The following ATP8B4 variants were observed in gnomAD, a reference collection of about 807,000 sequenced individuals.
ATP8B4 encodes ATPase phospholipid transporting 8B4 (putative).
ATP8B4 carries 133 observed loss-of-function variants against 145.6 expected under a neutral mutation model. The observed-to-expected ratio is 0.91, with a 90% CI of 0.79 to 1.05. ATP8B4 has a LOEUF of 1.05. Among genes scored for constraint, ATP8B4 ranks in the 50% least tolerant of loss-of-function variants. The probability of loss-of-function intolerance (pLI) is 0.00; values close to 1 mark genes in which losing one functional copy is unlikely to be tolerated. For missense variants in ATP8B4, 1,458 were observed against 1,425.2 expected, an observed-to-expected ratio of 1.02 and a Z score of -0.37; for synonymous variants, 507 against 492.9, an observed-to-expected ratio of 1.03 and a Z score of -0.38.
intron 1 of ATP8B4, among the ~76,000 whole-genome samples, chr15:50,137,817 G>A (rs1490562972): frequency 6.6e-6 from 1 of 152,080 alleles, no homozygotes; most frequent in Non-Finnish European, 1.5e-5. Flanking sequence ...AGAGAGGAGT[G>A]GAAGGAAGCT....
chr15:49,917,901 G>C (rs2039901504), intron 19 of ATP8B4, among the ~76,000 whole-genome samples: 1 of 152,162 alleles, frequency 6.6e-6, no homozygotes, highest in Admixed American at 6.5e-5. Context: ...GGCTGTAACT[G>C]ACCAAAATCA....
chr15:50,172,484 G>A (rs563325570), intron 1 of ATP8B4, among the ~76,000 whole-genome samples: 6 of 152,290 alleles, frequency 3.9e-5, no homozygotes, highest in Admixed American at 1.3e-4. Flanking sequence ...GCGTGATCTC[G>A]GCTCGCTACA....
chr15:49,897,247 AAAACAAAC>A (rs554622551), intron 23 of ATP8B4, 37 bp downstream of exon 23: 12 of 1,511,214 alleles, frequency 7.9e-6, no homozygotes, highest in East Asian at 2.2e-5. Context: ...ATATCATACA[AAAACAAAC>A]AAACAAACAA....
At chr15:49,900,574 C>A (rs1299297623) in intron 21 of ATP8B4, among the ~76,000 whole-genome samples, 2 of 152,146 alleles carry the variant, frequency 1.3e-5, no homozygotes, top group Non-Finnish European at 2.9e-5. Context: ...GGACAAGAAC[C>A]AGATTTCCTA....
chr15:50,134,114 C>T (rs2044088809), intron 1 of ATP8B4, among the ~76,000 whole-genome samples: 1 of 151,482 alleles, frequency 6.6e-6, no homozygotes, highest in Non-Finnish European at 1.5e-5. Context: ...AATTTTTATT[C>T]ATAAATTATA....
At chr15:49,934,604 A>T (rs2041578367) in intron 14 of ATP8B4, among the ~76,000 whole-genome samples, 3 of 152,072 alleles carry the variant, frequency 2.0e-5, no homozygotes, top group Admixed American at 6.6e-5. Flanking sequence ...CCTACCTAAT[A>T]CTTGTGAATT....
At chr15:49,923,953 AT>A (rs984154549) in intron 16 of ATP8B4, among the ~76,000 whole-genome samples, 1 of 151,750 alleles carries the variant, frequency 6.6e-6, no homozygotes, top group Non-Finnish European at 1.5e-5. Context: ...TGGTTTATGC[AT>A]TTTTTCTTGG....
At chr15:49,955,382 A>G (rs1447165920) in intron 14 of ATP8B4, among the ~76,000 whole-genome samples, 2 of 152,168 alleles carry the variant, frequency 1.3e-5, no homozygotes, top group South Asian at 2.1e-4. Flanking sequence ...AGAAAATCCC[A>G]AGTATTGTTG....
At chr15:49,932,243 T>C (rs1284861269) in intron 15 of ATP8B4, among the ~76,000 whole-genome samples, 1 of 151,842 alleles carries the variant, frequency 6.6e-6, no homozygotes, top group Non-Finnish European at 1.5e-5. Flanking sequence ...TATCTAGAAA[T>C]ATTCTTGAAT....
chr15:49,926,525 T>A (rs1180959875), intron 16 of ATP8B4, among the ~76,000 whole-genome samples: 1 of 152,118 alleles, frequency 6.6e-6, no homozygotes, highest in Non-Finnish European at 1.5e-5. Context: ...AATCCTGCAA[T>A]AGCTTCCCTC....
At chr15:50,090,633 C>T (rs76758475) in intron 2 of ATP8B4, among the ~76,000 whole-genome samples, 1 of 152,132 alleles carries the variant, frequency 6.6e-6, no homozygotes, top group Admixed American at 6.6e-5. Context: ...GTGAGGAATA[C>T]ATTTCTGTTT....
At position 49,931,228 on chromosome 15, in the gene ATP8B4, T is replaced by C; in HGVS notation, c.1533A>G (p.Lys511=). 1.2e-6 allele frequency: 2 copies of C among 1,612,884 alleles called. No homozygotes were observed. The highest frequency in any genetic ancestry group is 2.2e-5 in the South Asian group (2 of 91,034). ...TTGTTATGGTCTCTGGGGTCCGGGA[T>C]TTAAAAATGAACCCAAAATTTCTAG... The part of the protein sequence containing the change: ...TAARNFGFIF[K]SRTPETITIE... The change falls in exon 16 of 28, where the codon AAA becomes AAG. Residue 511 remains lysine, a synonymous_variant. Transcript: ENST00000284509.
rs1188734219 is a variant in ATP8B4 at position 50,154,368 on chromosome 15, A to ATT, written c.-43+27892_-43+27893insAA. Among the ~76,000 whole-genome samples the ATT allele has an allele frequency of 5.9e-5, 9 of 152,274 alleles. No individual in the cohort carries two copies. In the East Asian group the frequency reaches 1.7e-3, roughly 29 times the overall value. ...GTTTTTATTTCCTTTCTAAATCCAT[A>ATT]TATTGAAACAAATTAGACAAAATTA... On this transcript the variant is annotated intron_variant, in intron 1 of 3. Transcript: ENST00000558829.
At chr15:49,860,531 A>G in intron 27 of ATP8B4, 56 bp from the exon 28 acceptor site, 1 of 1,502,238 alleles carries the variant, frequency 6.7e-7, no homozygotes, top group South Asian at 1.4e-5. Context: ...GACTCCAGGC[A>G]GTGGCCCACT....
chr15:49,897,587 C>T lies in ATP8B4; in HGVS notation c.2474-72G>A, dbSNP rs191810692. ...TCTCTTTTGGAAACTTGTCATTCCT[C>T]TTTTATTTACGGAAAACTTACAGCC... On this transcript the variant is annotated intron_variant, in intron 22 of 27. Coordinates refer to ENST00000284509, the MANE Select transcript of ATP8B4 (RefSeq NM_024837.4). 7.6e-5 allele frequency: 99 copies of T among 1,298,784 alleles called. No homozygotes were observed. The African/African-American group carries it at 1.2e-3, about 16-fold the overall frequency. The allele number at this position is 1,298,784 out of a possible 1,614,324, so 80.5% of individuals were successfully genotyped here. A position where few individuals can be genotyped will look rare whatever the true frequency, so the allele number is the denominator to read the frequency against.
At chr15:50,078,746 A>G (rs1200478456) in intron 2 of ATP8B4, among the ~76,000 whole-genome samples, 2 of 152,170 alleles carry the variant, frequency 1.3e-5, no homozygotes, top group East Asian at 3.8e-4. Context: ...AGATAATCCC[A>G]AAAACTTCCA....
chr15:49,962,256 C>G (rs1222779599), intron 13 of ATP8B4, among the ~76,000 whole-genome samples: 1 of 152,096 alleles, frequency 6.6e-6, no homozygotes, highest in Non-Finnish European at 1.5e-5. Flanking sequence ...GGCATTAAAA[C>G]AAAAAATGAA....
intron 19 of ATP8B4, 99 bp from the exon 20 acceptor site, chr15:49,917,138 C>G (rs749928124): frequency 2.1e-5 from 23 of 1,119,082 alleles, no homozygotes; most frequent in Admixed American, 3.8e-5. Context: ...TTTCTTAAAG[C>G]CTACAGGGGG....
Position 49,979,783 on chromosome 15 carries a change from T to C in ATP8B4, c.868A>G (p.Ile290Val). Residue 290 changes from isoleucine (I) to valine (V), a missense_variant, in exon 12 of 28, where the codon ATT becomes GTT. Ile to Val is a conservative substitution (Grantham distance 29). Transcript: ENST00000284509. ...IFGFLICLGI[I>V]LAIGNSIWES... ...CAGATTGAATTTCCTATTGCAAGAATAATTCCCAAGCATATCAGAAACCCA... is the reference window on the plus strand; with the variant it reads ...CAGATTGAATTTCCTATTGCAAGAACAATTCCCAAGCATATCAGAAACCCA... 1 of 1,605,044 alleles carries C rather than the reference T, an allele frequency of 6.2e-7. No homozygotes were observed. The highest frequency in any genetic ancestry group is 2.2e-5 in the East Asian group (1 of 44,732).
Sources: gnomAD v4.1 joint callset for allele counts (sites outside exome capture counted in the v4.1 genomes callset) on GRCh38, gnomAD v4.1.1 for gene constraint, MANE v1.5 for transcripts, NCBI Gene and HGNC (gene_info 2026-07-23, HGNC 2026-07-21) for gene names.